Variants in SRRM3 observed in about 807,000 individuals in gnomAD.
The protein encoded by SRRM3 is serine/arginine repetitive matrix protein 3.
SRRM3 carries 27 observed loss-of-function variants against 66.2 expected under a neutral mutation model. The ratio of observed to expected loss-of-function variants is 0.41; its 90% CI spans 0.30 to 0.56. SRRM3 has a LOEUF of 0.56. Ranked by LOEUF, SRRM3 falls within the 20% of genes least tolerant of loss-of-function variation. SRRM3 has a pLI of 0.32. For missense variants in SRRM3, 918 were observed against 991.9 expected (o/e 0.93, Z 1.00); for synonymous variants, 391 against 414.9 (o/e 0.94, Z 0.70).
At chr7:76,207,603 C>T (rs1246746736) in intron 1 of SRRM3, among the ~76,000 whole-genome samples, 1 of 152,014 alleles carries the variant, frequency 6.6e-6, no homozygotes, top group East Asian at 1.9e-4. Flanking sequence ...GGTGGCTCAC[C>T]CTGTAATCCC....
chr7:76,260,933 G>A (rs1554608607), intron 6 of SRRM3, 30 bp downstream of exon 6: 2 of 1,554,164 alleles, frequency 1.3e-6, no homozygotes, highest in East Asian at 2.4e-5. Context: ...GCTGGGGCCA[G>A]GGCGGGGGAT....
At chr7:76,203,645 G>A (rs1032147134) in intron 1 of SRRM3, among the ~76,000 whole-genome samples, 2 of 152,204 alleles carry the variant, frequency 1.3e-5, no homozygotes, top group African/African-American at 4.8e-5. Flanking sequence ...TCCATGCTGG[G>A]CACAATGCAA....
chr7:76,286,178 T>C lies in SRRM3; in HGVS notation c.*335T>C, dbSNP rs1295496506. 9.7e-6 allele frequency: 4 copies of C among 413,532 alleles called. No individual in the cohort carries two copies. In the East Asian group the frequency reaches 2.0e-4, roughly 21 times the overall value. The allele number at this position is 413,532 out of a possible 1,614,324, so 25.6% of individuals were successfully genotyped here. On this transcript the variant is annotated 3_prime_UTR_variant, in exon 15 of 15. Transcript: ENST00000611745. ...CAGGCTTGGGACTGCTGCCGGTGGATGGTACCAGAGTCCATGATCTGCTCT... is the reference window on the plus strand; with the variant it reads ...CAGGCTTGGGACTGCTGCCGGTGGACGGTACCAGAGTCCATGATCTGCTCT...
chr7:76,208,114 T>A (rs1484835113), intron 1 of SRRM3, among the ~76,000 whole-genome samples: 2 of 151,916 alleles, frequency 1.3e-5, no homozygotes, highest in Non-Finnish European at 2.9e-5. Flanking sequence ...GGGATTGAGG[T>A]AAGGATTTGC....
intron 2 of SRRM3, among the ~76,000 whole-genome samples, chr7:76,243,125 A>C (rs1801351606): frequency 6.6e-6 from 1 of 152,194 alleles, no homozygotes; most frequent in East Asian, 1.9e-4. Context: ...GGAGGGGACT[A>C]ATATCCAGAT....
intron 1 of SRRM3, among the ~76,000 whole-genome samples, chr7:76,232,007 A>ACC (rs1554604273): frequency 3.3e-5 from 5 of 152,148 alleles, no homozygotes; most frequent in African/African-American, 1.2e-4. Context: ...GCAGCATGGG[A>ACC]TGAAGTTGCA....
chr7:76,236,785 G>A (rs79393045), intron 2 of SRRM3, among the ~76,000 whole-genome samples: 11,157 of 152,238 alleles, frequency 0.073, 954 homozygotes, highest in African/African-American at 0.2. Flanking sequence ...AGAGAGGGAT[G>A]GATGGATGGA....
At chr7:76,244,817 T>A (rs782142263) in intron 2 of SRRM3, among the ~76,000 whole-genome samples, 1 of 152,226 alleles carries the variant, frequency 6.6e-6, no homozygotes, top group Non-Finnish European at 1.5e-5. Context: ...CCAGAGCCAT[T>A]TTTTCAAAAG....
At chr7:76,232,747 G>C (rs1054112016) in intron 1 of SRRM3, among the ~76,000 whole-genome samples, 1 of 152,176 alleles carries the variant, frequency 6.6e-6, no homozygotes, top group Non-Finnish European at 1.5e-5. Context: ...CGGAGTGGTG[G>C]AGACGGGGCT....
intron 1 of SRRM3, among the ~76,000 whole-genome samples, chr7:76,234,251 G>A (rs1801085440): frequency 6.6e-6 from 1 of 150,670 alleles, no homozygotes; most frequent in Admixed American, 6.6e-5. Flanking sequence ...GGCCTAGCAT[G>A]GAGTCAGGGA....
chr7:76,219,943 T>C (rs985096125), intron 1 of SRRM3, among the ~76,000 whole-genome samples: 1 of 152,012 alleles, frequency 6.6e-6, no homozygotes, highest in African/African-American at 2.4e-5. Flanking sequence ...AAGACAAGGC[T>C]GGACTCGAGG....
At chr7:76,226,914 T>A (rs1554603782) in intron 1 of SRRM3, among the ~76,000 whole-genome samples, 1 of 152,174 alleles carries the variant, frequency 6.6e-6, no homozygotes, top group African/African-American at 2.4e-5. Flanking sequence ...TTAGAGTTAG[T>A]ATTACCCAGA....
chr7:76,267,251 AC>A lies in SRRM3; in HGVS notation c.831-3del. ...ACTCCCCCATTCTTCCTGGCGCCTA[AC>A]CCCAGGCTGAGCCCCAAGCACCGAG... On this transcript the variant is annotated splice_region_variant and splice_polypyrimidine_tract_variant and intron_variant, in intron 10 of 14. Transcript: ENST00000611745. 1.3e-6 allele frequency: 2 copies of A among 1,535,904 alleles called. No homozygotes were observed. The highest frequency in any genetic ancestry group is 2.2e-5 in the Admixed American group (1 of 44,866).
At chr7:76,227,105 C>A (rs1554603793) in intron 1 of SRRM3, among the ~76,000 whole-genome samples, 1 of 131,034 alleles carries the variant, frequency 7.6e-6, no homozygotes, top group African/African-American at 2.9e-5. Flanking sequence ...ATGTGCTGCT[C>A]TCAGCCAATC....
At chr7:76,272,894 G>C (rs1802246813) in intron 11 of SRRM3, among the ~76,000 whole-genome samples, 1 of 152,146 alleles carries the variant, frequency 6.6e-6, no homozygotes, top group Admixed American at 6.5e-5. Context: ...GATGAATTTT[G>C]CTAAAAGGAT....
At chr7:76,222,983 G>T (rs946695319) in intron 1 of SRRM3, among the ~76,000 whole-genome samples, 2 of 151,958 alleles carry the variant, frequency 1.3e-5, no homozygotes, top group Non-Finnish European at 2.9e-5. Context: ...CCCTGACCAG[G>T]ACATCCTTCT....
chr7:76,245,776 A>G (rs2117021313), intron 2 of SRRM3, among the ~76,000 whole-genome samples: 2 of 151,938 alleles, frequency 1.3e-5, no homozygotes, highest in Middle Eastern at 6.8e-3. Flanking sequence ...GCTCACCACA[A>G]TCTCCACCTC....
chr7:76,220,363 A>G (rs1178471706), intron 1 of SRRM3, among the ~76,000 whole-genome samples: 8 of 152,216 alleles, frequency 5.3e-5, no homozygotes, highest in Non-Finnish European at 1.2e-4. Flanking sequence ...CAGGAAGGGT[A>G]GATGAGGAAG....
At position 76,267,625 on chromosome 7, in the gene SRRM3, C is replaced by A. The variant is rs547957683; in HGVS notation, c.1008+190C>A. The A allele has an allele frequency of 6.2e-4, 290 of 469,300 alleles. 1 individual carries two copies. Among genetic ancestry groups the A allele is most frequent in the African/African-American group, 5.3e-3 (260 of 49,084 alleles). The allele number at this position is 469,300 out of a possible 1,614,324, so 29.1% of individuals were successfully genotyped here. ...AGCCGCCGGGAGTGCTAGGCCGTTG[C>A]GCCCACCTGGCCCTGGTGTCAGGGT... On this transcript the variant is annotated intron_variant, in intron 11 of 14. Coordinates refer to ENST00000611745, the MANE Select transcript of SRRM3 (RefSeq NM_001110199.3).
Sources: allele counts gnomAD v4.1 joint callset (sites outside exome capture counted in the v4.1 genomes callset), GRCh38; gene constraint gnomAD v4.1.1; transcripts MANE v1.5; gene names NCBI Gene and HGNC (gene_info 2026-07-23, HGNC 2026-07-21).